Variants in CCNI2 observed in about 807,000 individuals in gnomAD.
CCNI2 encodes cyclin I family member 2, also known as cyclin-I2.
A neutral mutation model predicts 33.2 loss-of-function variants in CCNI2; 32 were observed. That is an observed-to-expected ratio of 0.96 (90% CI 0.73 to 1.30). The LOEUF is 1.30. CCNI2 is among the 50% of genes most tolerant of loss of function. CCNI2 has a pLI of 0.00. For missense variants in CCNI2, 452 were observed against 486.2 expected (o/e 0.93, Z 0.66); for synonymous variants, 231 against 219.9 (o/e 1.05, Z -0.45).
chr5:132,747,546 C>G lies in CCNI2; in HGVS notation c.51C>G (p.Ser17Arg). 6.6e-7 allele frequency: 1 copy of G among 1,505,584 alleles called. No individual in the cohort carries two copies. The allele number at this position is 1,505,584 out of a possible 1,614,324, so 93.3% of individuals were successfully genotyped here. Residue 17 changes from serine to arginine, a missense_variant, in exon 1 of 6, where the codon AGC becomes AGG. Ser to Arg is a moderately radical substitution (Grantham distance 110). Transcript: ENST00000378731. The surrounding 1 kb of genome is among the most constrained non-coding windows in gnomAD (Gnocchi z 4.1). The part of the protein sequence containing the change: ...LPPQPSSSEV[S>R]AVQSPGGRPG... Reference sequence around the variant, plus strand: ...CGCAGCCGTCGAGCTCAGAGGTCAGCGCCGTCCAGAGCCCAGGCGGGCGTC... The same window carrying G: ...CGCAGCCGTCGAGCTCAGAGGTCAGGGCCGTCCAGAGCCCAGGCGGGCGTC...
chr5:132,754,760 T>C (rs539104840), downstream of CCNI2, among the ~76,000 whole-genome samples: 1 of 152,284 alleles, frequency 6.6e-6, no homozygotes, highest in East Asian at 1.9e-4. Flanking sequence ...CTATCCCACC[T>C]CAACTCAGAG....
In CCNI2 at chr5:132,749,360, T is replaced by C. The variant is rs1184555245; in HGVS notation, c.571T>C (p.Tyr191His). The C allele has an allele frequency of 6.2e-7, 1 of 1,613,910 alleles. No individual in the cohort carries two copies. Among genetic ancestry groups the C allele is most frequent in the East Asian group, 2.2e-5 (1 of 44,882 alleles). ...TTCCATACTGCAGGTAAAAGAGAAA[T>C]ACCTGCATTGCGCCACAATTACTTC... ...LLISVKVKEK[Y>H]LHCATITSLR... Residue 191 changes from tyrosine (Y) to histidine (H), a missense_variant, in exon 3 of 6, where the codon TAC becomes CAC. Coordinates refer to ENST00000378731, the MANE Select transcript of CCNI2 (RefSeq NM_001039780.4).
downstream of CCNI2, among the ~76,000 whole-genome samples, chr5:132,755,581 T>C (rs1755252282): frequency 6.6e-6 from 1 of 152,212 alleles, no homozygotes; most frequent in South Asian, 2.1e-4. Context: ...TCCCTAATCA[T>C]AGGATTAGGA....
rs1755134647 is a variant in CCNI2, at chr5:132,754,271, A to G, written c.*1301A>G. On this transcript the variant is annotated 3_prime_UTR_variant, in exon 6 of 6. Coordinates refer to ENST00000378731, the MANE Select transcript of CCNI2 (RefSeq NM_001039780.4). ...CATATCAAGAACTCTCCTCTAGTCC[A>G]GAACCCATTTTACAGATGGAGATGC... 1 of 641,110 alleles carries G rather than the reference A, an allele frequency of 1.6e-6. No homozygotes were observed. Among genetic ancestry groups the G allele is most frequent in the East Asian group, 2.7e-5 (1 of 36,680 alleles). The allele number at this position is 641,110 out of a possible 1,614,324, so 39.7% of individuals were successfully genotyped here.
At position 132,753,186 on chromosome 5, in the gene CCNI2, G is replaced by GA; in HGVS notation, c.*217dup. On this transcript the variant is annotated 3_prime_UTR_variant, in exon 6 of 6. Transcript: ENST00000378731. The stretch of plus-strand genomic sequence containing the variant: ...CAGTAGAGGTCAGGGTGGTCTGATA[G>GA]ACTATGACCCTGTCTTCCCTTTTTC... The GA allele has an allele frequency of 1.8e-6, 1 of 542,890 alleles. No homozygotes were observed. Among genetic ancestry groups the GA allele is most frequent in the South Asian group, 2.7e-5 (1 of 37,620 alleles). The allele number at this position is 542,890 out of a possible 1,614,324, so 33.6% of individuals were successfully genotyped here.
At position 132,754,229 on chromosome 5, in the gene CCNI2, A is replaced by G; in HGVS notation, c.*1259A>G. ...CCTTGCGAGAGTCAGATACATTTGGAACACTATCTCCTAGGTCATATCAAG... is the reference window on the plus strand; with the variant it reads ...CCTTGCGAGAGTCAGATACATTTGGGACACTATCTCCTAGGTCATATCAAG... On this transcript the variant is annotated 3_prime_UTR_variant, in exon 6 of 6. Coordinates refer to ENST00000378731, the MANE Select transcript of CCNI2 (RefSeq NM_001039780.4). 1.8e-6 allele frequency: 1 copy of G among 569,370 alleles called. No individual in the cohort carries two copies. The highest frequency in any genetic ancestry group is 2.4e-5 in the South Asian group (1 of 41,786). The allele number at this position is 569,370 out of a possible 1,614,324, so 35.3% of individuals were successfully genotyped here.
rs1172375028 is a variant in CCNI2, at chr5:132,752,155, G to A, written c.964G>A (p.Gly322Ser). The change falls in exon 5 of 6, where the codon GGC becomes AGC. Residue 322 changes from glycine (G) to serine (S), a missense_variant. Coordinates refer to ENST00000378731, the MANE Select transcript of CCNI2 (RefSeq NM_001039780.4). Reference sequence around the variant, plus strand: ...CTTAGAGCTGGAGAGGCTCATGCCCGGCTGGTGTGCTCCTATATCTGATCT... The same window carrying A: ...CTTAGAGCTGGAGAGGCTCATGCCCAGCTGGTGTGCTCCTATATCTGATCT... ...ITLELERLMPGWCAPISDLLK... is the reference protein window; with the variant it reads ...ITLELERLMPSWCAPISDLLK... 7.5e-6 allele frequency: 12 copies of A among 1,591,962 alleles called. No homozygotes were observed. Among genetic ancestry groups the A allele is most frequent in the African/African-American group, 2.7e-5 (2 of 74,872 alleles).
rs1050189401 is a variant in CCNI2, at chr5:132,752,866, G to T, written c.1006G>T (p.Val336Phe). The T allele has an allele frequency of 6.2e-7, 1 of 1,613,060 alleles. No individual in the cohort carries two copies. Among genetic ancestry groups the T allele is most frequent in the Non-Finnish European group, 8.5e-7 (1 of 1,179,280 alleles). Residue 336 changes from valine to phenylalanine, a missense_variant and splice_region_variant, in exon 6 of 6, where the codon GTT (valine) becomes TTT (phenylalanine). Val to Phe is a conservative substitution (Grantham distance 50, BLOSUM62 -1). Coordinates refer to ENST00000378731, the MANE Select transcript of CCNI2 (RefSeq NM_001039780.4). ...AGATGGCCACTCTATTCTAATACAG[G>T]TTGGTGATATGCAGTACAGCTGCTG... is the stretch of plus-strand genomic sequence containing the variant. Reference protein sequence around the residue: ...PISDLLKKAQVGDMQYSCCKE... With the variant: ...PISDLLKKAQFGDMQYSCCKE...
chr5:132,754,508 C>A, downstream of CCNI2: 1 of 717,426 alleles, frequency 1.4e-6, no homozygotes, highest in Non-Finnish European at 2.6e-6. Context: ...GAGAGCTGAT[C>A]CAACTCAAAC....
Position 132,748,414 on chromosome 5 carries a change from T to C in CCNI2, c.497T>C (p.Phe166Ser), listed in dbSNP as rs116622403. The change falls in exon 2 of 6, where the codon TTC becomes TCC. Residue 166 changes from phenylalanine (F) to serine (S), a missense_variant. By Grantham distance (155) the Phe-to-Ser change is radical. Coordinates refer to ENST00000378731, the MANE Select transcript of CCNI2 (RefSeq NM_001039780.4). ...WLLRLQNTFY[F>S]SQSTFNLALT... ...CTGCGGCTTCAGAACACCTTTTACT[T>C]CTCCCAGTCCACTTTTAACCTGGCC... The C allele has an allele frequency of 7.4e-4, 1,197 of 1,614,106 alleles. 4 individuals carry two copies. The highest frequency in any genetic ancestry group is 5.4e-3 in the African/African-American group (405 of 75,014).
At chr5:132,748,663 A>T (rs1754681046) in intron 2 of CCNI2, among the ~76,000 whole-genome samples, 188 bp downstream of exon 2, 1 of 152,126 alleles carries the variant, frequency 6.6e-6, no homozygotes, top group African/African-American at 2.4e-5. Flanking sequence ...AGGGTCATGT[A>T]GTCATCAGGA....
chr5:132,754,175 A>G lies in CCNI2; in HGVS notation c.*1205A>G, dbSNP rs1043487610. 18 of 491,068 alleles carry G rather than the reference A, an allele frequency of 3.7e-5. No homozygotes were observed. Among genetic ancestry groups the G allele is most frequent in the African/African-American group, 2.7e-4 (14 of 51,886 alleles). 30.4% of individuals were successfully genotyped at this position (491,068 alleles called of 1,614,324 possible). ...CTTTAATTGCTTCCGATCCTGTATG[A>G]GTCTTATTTTGAGCTACCATGCATT... On this transcript the variant is annotated 3_prime_UTR_variant, in exon 6 of 6. Coordinates refer to ENST00000378731, the MANE Select transcript of CCNI2 (RefSeq NM_001039780.4).
chr5:132,749,553 G>A (rs979526002), intron 3 of CCNI2, 131 bp downstream of exon 3: 13 of 713,950 alleles, frequency 1.8e-5, no homozygotes, highest in African/African-American at 3.5e-5. Flanking sequence ...CCAACTTGCC[G>A]GCATCTCTGC....
intron 2 of CCNI2, 41 bp from the exon 3 acceptor site, chr5:132,749,307 G>A: frequency 6.8e-7 from 1 of 1,460,510 alleles, no homozygotes; most frequent in Non-Finnish European, 9.6e-7. Flanking sequence ...TTTGTTTCTG[G>A]CATTCATATT....
At chr5:132,749,008 C>A (rs1276219883) in intron 2 of CCNI2, among the ~76,000 whole-genome samples, 1 of 152,194 alleles carries the variant, frequency 6.6e-6, no homozygotes, top group Non-Finnish European at 1.5e-5. Flanking sequence ...GTAATCCCAG[C>A]AATTTGGGAG....
Position 132,753,669 on chromosome 5 carries a change from T to C in CCNI2, c.*699T>C, listed in dbSNP as rs1426207319. The C allele has an allele frequency of 6.6e-6, 1 of 152,514 alleles. No homozygotes were observed. The highest frequency in any genetic ancestry group is 3.2e-3 in the Middle Eastern group (1 of 316). 9.4% of individuals were successfully genotyped at this position (152,514 alleles called of 1,614,324 possible). On this transcript the variant is annotated 3_prime_UTR_variant, in exon 6 of 6. Transcript: ENST00000378731. ...TATTAGTTTAACTAGAGGGATTTTG[T>C]GCTAATGAATGGGTATTATAGGCTA...
chr5:132,751,500 A>G (rs556759810), intron 4 of CCNI2: 1 of 190,930 alleles, frequency 5.2e-6, no homozygotes, highest in African/African-American at 2.4e-5. Context: ...TTCTGTTAGT[A>G]AGGCAAAATT....
In CCNI2 at chr5:132,750,891, A is replaced by G. The variant is rs768924657; in HGVS notation, c.668A>G (p.Tyr223Cys). Reference protein sequence around the residue: ...IPQVKDFTKHYGSDYSPNELL... With the variant: ...IPQVKDFTKHCGSDYSPNELL... The stretch of plus-strand genomic sequence containing the variant: ...CAAGTAAAAGACTTCACAAAGCACT[A>G]TGGCTCTGACTATTCCCCGAATGAG... Residue 223 changes from tyrosine (Y) to cysteine (C), a missense_variant, in exon 4 of 6, where the codon TAT becomes TGT. Tyr to Cys is a radical substitution (Grantham distance 194). Transcript: ENST00000378731. 1.0e-4 allele frequency: 168 copies of G among 1,614,160 alleles called. 2 individuals carry two copies. The Middle Eastern group carries it at 9.4e-3, about 90-fold the overall frequency.
rs1010072263 is a variant in CCNI2 at position 132,753,736 on chromosome 5, G to T, written c.*766G>T. 6.6e-6 allele frequency: 1 copy of T among 152,370 alleles called. No homozygotes were observed. The highest frequency in any genetic ancestry group is 2.4e-5 in the African/African-American group (1 of 41,436). 9.4% of individuals were successfully genotyped at this position (152,370 alleles called of 1,614,324 possible). ...GCACAGCTCTGAATGCTTTCTGTTG[G>T]GATGAGCAGGTTCTGAGGCCAAGCC... is the stretch of plus-strand genomic sequence containing the variant. On this transcript the variant is annotated 3_prime_UTR_variant, in exon 6 of 6. Coordinates refer to ENST00000378731, the MANE Select transcript of CCNI2 (RefSeq NM_001039780.4).
Sources: gnomAD v4.1 joint callset for allele counts (sites outside exome capture counted in the v4.1 genomes callset) on GRCh38, gnomAD v4.1.1 for gene constraint, Gnocchi (gnomAD v3.1) non-coding constraint, MANE v1.5 for transcripts, NCBI Gene and HGNC (gene_info 2026-07-23, HGNC 2026-07-21) for gene names.